Variants in PAICS observed in about 807,000 individuals in gnomAD.
The protein encoded by PAICS is phosphoribosylaminoimidazole carboxylase and phosphoribosylaminoimidazolesuccinocarboxamide synthase.
A neutral mutation model predicts 53.7 loss-of-function variants in PAICS; 33 were observed. The observed-to-expected ratio is 0.61, with a 90% CI of 0.47 to 0.82. The LOEUF (loss-of-function observed/expected upper bound fraction) is 0.82. PAICS is among the 40% of genes least tolerant of loss of function. The probability of loss-of-function intolerance (pLI) is 0.00; values close to 1 mark genes in which losing one functional copy is unlikely to be tolerated. For synonymous variants in PAICS, 141 were observed against 167.2 expected, an observed-to-expected ratio of 0.84 and a Z score of 1.21; for missense variants, 394 against 494.1, an observed-to-expected ratio of 0.80 and a Z score of 1.92.
At chr4:56,435,897 C>T, upstream of PAICS, 1 of 1,485,740 alleles carries the variant, frequency 6.7e-7, no homozygotes, top group Admixed American at 1.8e-5. Flanking sequence ...TATGCCCTTC[C>T]CTGCATGCTT....
At chr4:56,436,351 C>A in intron 1 of PAICS, 23 bp downstream of exon 1, 1 of 1,537,534 alleles carries the variant, frequency 6.5e-7, no homozygotes, top group Non-Finnish European at 8.9e-7. Context: ...GATCCGGGCC[C>A]TTCACGGTCT....
intron 8 of PAICS, among the ~76,000 whole-genome samples, chr4:56,458,127 G>C (rs1472277232): frequency 6.6e-6 from 1 of 152,174 alleles, no homozygotes; most frequent in African/African-American, 2.4e-5. Flanking sequence ...TTTTATAGTA[G>C]TGTTGTTTCA....
chr4:56,428,127 A>C, the PAICS span, among the ~76,000 whole-genome samples: 1 of 152,222 alleles, frequency 6.6e-6, no homozygotes, highest in East Asian at 1.9e-4. Flanking sequence ...CTTTTGACTC[A>C]TATTGAAGTT....
At chr4:56,434,331 G>A (rs1717778312), upstream of PAICS, among the ~76,000 whole-genome samples, 1 of 152,184 alleles carries the variant, frequency 6.6e-6, no homozygotes, top group African/African-American at 2.4e-5. Flanking sequence ...TATACGTGTT[G>A]CACCCATTTT....
chr4:56,420,104 G>C, the PAICS span: 1 of 603,612 alleles, frequency 1.7e-6, no homozygotes, highest in Non-Finnish European at 2.1e-6. Context: ...CAGGTTCAAG[G>C]ATCCCTTTTC....
chr4:56,447,195 A>G (rs571739885), intron 3 of PAICS, among the ~76,000 whole-genome samples: 1 of 152,178 alleles, frequency 6.6e-6, no homozygotes, highest in East Asian at 1.9e-4. Context: ...CAGGAAAACT[A>G]TACTAACAAT....
At chr4:56,444,780 G>C (rs375396177) in intron 2 of PAICS, among the ~76,000 whole-genome samples, 1 of 152,028 alleles carries the variant, frequency 6.6e-6, no homozygotes, top group East Asian at 1.9e-4. Context: ...ATGTGCTTTT[G>C]GTTCTCCTTG....
At chr4:56,417,321 G>A in the PAICS span, among the ~76,000 whole-genome samples, 11 of 151,210 alleles carry the variant, frequency 7.3e-5, no homozygotes, top group Admixed American at 5.3e-4. Flanking sequence ...GCATTTCAAA[G>A]CAAAGACATT....
At chr4:56,454,090 T>A (rs796375639) in intron 8 of PAICS, among the ~76,000 whole-genome samples, 1 of 152,184 alleles carries the variant, frequency 6.6e-6, no homozygotes, top group African/African-American at 2.4e-5. Context: ...AAAGAAAGGC[T>A]TCCTCTTTCA....
upstream of PAICS, chr4:56,431,494 A>C (rs1342494371): frequency 6.1e-6 from 6 of 979,808 alleles, no homozygotes; most frequent in African/African-American, 1.1e-4. Flanking sequence ...GCGTAATAAC[A>C]GAACCAAAAG....
At position 56,464,119 on chromosome 4, in the gene PAICS, G is replaced by A. The variant is rs2110106518; in HGVS notation, c.*4581G>A. On this transcript the variant is annotated 3_prime_UTR_variant, in exon 9 of 9. Coordinates refer to ENST00000512576, the MANE Select transcript of PAICS (RefSeq NM_001079524.2). Reference sequence around the variant, plus strand: ...GGTTTGGAACTACACTGGCTTTCCTGGGCCTTCAGCCTGCAGAAGGCAGAC... The same window carrying A: ...GGTTTGGAACTACACTGGCTTTCCTAGGCCTTCAGCCTGCAGAAGGCAGAC... 6.6e-6 allele frequency: 1 copy of A among 152,304 alleles called. No individual in the cohort carries two copies. The highest frequency in any genetic ancestry group is 1.9e-4 in the East Asian group (1 of 5,186). The allele number at this position is 152,304 out of a possible 1,614,324, so 9.4% of individuals were successfully genotyped here.
upstream of PAICS, among the ~76,000 whole-genome samples, chr4:56,433,495 T>TAA (rs542379951): frequency 2.3e-3 from 303 of 129,526 alleles, 8 homozygotes; most frequent in South Asian, 0.04. Context: ...ACATGTAAGT[T>TAA]AAAAAAAAAA....
At position 56,461,016 on chromosome 4, in the gene PAICS, C is replaced by T. The variant is rs1210913297; in HGVS notation, c.*1478C>T. 1 of 152,122 alleles carries T rather than the reference C, an allele frequency of 6.6e-6. No homozygotes were observed. Among genetic ancestry groups the T allele is most frequent in the African/African-American group, 2.4e-5 (1 of 41,432 alleles). 9.4% of individuals were successfully genotyped at this position (152,122 alleles called of 1,614,324 possible). ...GCTGATGTGACCCATGAAGGGAACT[C>T]ATTTTCCTCGTAATTTTGGACTGCC... On this transcript the variant is annotated 3_prime_UTR_variant, in exon 9 of 9. Coordinates refer to ENST00000512576, the MANE Select transcript of PAICS (RefSeq NM_001079524.2).
chr4:56,439,773 C>T (rs60104031), intron 1 of PAICS, among the ~76,000 whole-genome samples: 16,980 of 152,086 alleles, frequency 0.11, 1,228 homozygotes, highest in Admixed American at 0.23. Context: ...TACAGGCATG[C>T]ACCACCATGC....
chr4:56,456,981 G>A (rs1239208231), intron 8 of PAICS, among the ~76,000 whole-genome samples: 1 of 152,132 alleles, frequency 6.6e-6, no homozygotes, highest in African/African-American at 2.4e-5. Context: ...ACTGTGGGGT[G>A]TATCTGGTAG....
chr4:56,431,301 T>C (rs1717571075), upstream of PAICS: 1 of 240,606 alleles, frequency 4.2e-6, no homozygotes, highest in Admixed American at 6.5e-5. Flanking sequence ...TCAAATCCTG[T>C]GTTCTCCACA....
upstream of PAICS, chr4:56,435,730 A>G: frequency 6.8e-7 from 1 of 1,471,012 alleles, no homozygotes; most frequent in South Asian, 1.3e-5. Context: ...GGGCGGGGTC[A>G]CGGATGCTGT....
the PAICS span, chr4:56,416,450 T>G: frequency 6.8e-6 from 3 of 443,728 alleles, no homozygotes; most frequent in South Asian, 2.9e-4. Context: ...TATAGTATAA[T>G]GGATGGGACA....
upstream of PAICS, among the ~76,000 whole-genome samples, chr4:56,431,920 C>T (rs1259671088): frequency 6.6e-6 from 1 of 152,154 alleles, no homozygotes; most frequent in African/African-American, 2.4e-5. Context: ...CATGCATGCA[C>T]AGTTTACAGC....
Sources: gnomAD v4.1 joint callset for allele counts (sites outside exome capture counted in the v4.1 genomes callset) on GRCh38, gnomAD v4.1.1 for gene constraint, MANE v1.5 for transcripts, NCBI Gene and HGNC (gene_info 2026-07-23, HGNC 2026-07-21) for gene names.